CTNNA2: variants seen among roughly 807,000 people sequenced by gnomAD.
CTNNA2 encodes catenin alpha-2.
CTNNA2 carries 42 observed loss-of-function variants against 101.0 expected under a neutral mutation model. That is an observed-to-expected ratio of 0.42 (90% CI 0.32 to 0.54). The LOEUF is 0.54. Ranked by LOEUF, CTNNA2 falls within the 20% of genes least tolerant of loss-of-function variation. CTNNA2 has a pLI of 0.14. For missense variants in CTNNA2, 871 were observed against 1,223.1 expected (o/e 0.71, Z 4.29); for synonymous variants, 450 against 456.4 (o/e 0.99, Z 0.18).
At chr2:80,187,310 A>G (rs1421209400) in intron 7 of CTNNA2, among the ~76,000 whole-genome samples, 2 of 152,188 alleles carry the variant, frequency 1.3e-5, no homozygotes, top group Non-Finnish European at 2.9e-5. Context: ...AAATGGTGCT[A>G]ATTTATAACG....
chr2:80,378,967 C>T (rs1676253204), intron 7 of CTNNA2, among the ~76,000 whole-genome samples: 1 of 151,948 alleles, frequency 6.6e-6, no homozygotes, highest in Admixed American at 6.6e-5. Context: ...GTAGAGGATG[C>T]TTCAGGATGG....
chr2:79,487,847 T>C lies in CTNNA2; in HGVS notation c.-134-17207T>C, dbSNP rs112468052. Among the ~76,000 whole-genome samples the C allele has an allele frequency of 4.7e-3, 718 of 152,296 alleles. 11 individuals are homozygous for C. The highest frequency in any genetic ancestry group is 0.016 in the African/African-American group (677 of 41,554). ...CATGTTTTGGGATTCATTTATTACA[T>C]ATCAATAGATAACTAAAAGAGTAAG... On this transcript the variant is annotated intron_variant, in intron 4 of 21. Coordinates refer to the CTNNA2 transcript ENST00000466387.
chr2:79,874,986 A>C (rs990090719), intron 6 of CTNNA2, among the ~76,000 whole-genome samples: 6 of 152,178 alleles, frequency 3.9e-5, no homozygotes, highest in Admixed American at 3.9e-4. Context: ...CTGCGTGAAA[A>C]GCTGCCATCA....
intron 3 of CTNNA2, among the ~76,000 whole-genome samples, chr2:79,795,436 G>A (rs1433867868): frequency 6.6e-6 from 1 of 151,816 alleles, no homozygotes; most frequent in Non-Finnish European, 1.5e-5. Context: ...GTGTTTAAAA[G>A]TTATTTTTTA....
chr2:80,604,856 CAG>C (rs1358374985), intron 16 of CTNNA2, among the ~76,000 whole-genome samples: 5 of 151,880 alleles, frequency 3.3e-5, no homozygotes, highest in Non-Finnish European at 7.4e-5. Context: ...GTAGGACAGT[CAG>C]GGGCATTTGG....
intron 17 of CTNNA2, among the ~76,000 whole-genome samples, chr2:80,612,618 T>C (rs1427144556): frequency 6.6e-6 from 1 of 151,556 alleles, no homozygotes; most frequent in African/African-American, 2.4e-5. Context: ...GAGAATTACA[T>C]TGTATTTGAA....
chr2:79,960,979 G>C (rs573150169), intron 7 of CTNNA2, among the ~76,000 whole-genome samples: 1 of 152,108 alleles, frequency 6.6e-6, no homozygotes, highest in Non-Finnish European at 1.5e-5. Context: ...TCACAAAGAG[G>C]CTCTTTAGAC....
intron 7 of CTNNA2, among the ~76,000 whole-genome samples, chr2:80,127,309 A>G (rs1180823272): frequency 6.6e-6 from 1 of 152,136 alleles, no homozygotes; most frequent in Non-Finnish European, 1.5e-5. Context: ...GTTATTCCCT[A>G]TACACCTTAG....
chr2:79,810,886 C>T lies in CTNNA2; in HGVS notation c.299-47127C>T, dbSNP rs1281521651. Among the ~76,000 whole-genome samples, 5 of 151,820 alleles carry T rather than the reference C, an allele frequency of 3.3e-5. No individual in the cohort carries two copies. The East Asian group carries it at 9.7e-4, about 29-fold the overall frequency. On this transcript the variant is annotated intron_variant, in intron 3 of 18. Transcript: ENST00000402739. ...CATTTTTTATGGCTGCATAGTATTC[C>T]ATGGTGTATATATGCCACATTTTCT...
intron 7 of CTNNA2, among the ~76,000 whole-genome samples, chr2:80,191,358 C>T (rs7601708): frequency 0.4 from 60,830 of 152,052 alleles, 13,609 homozygotes; most frequent in Non-Finnish European, 0.52. Flanking sequence ...TCTTTATTTA[C>T]TATCTCTCTT....
chr2:79,832,504 C>G (rs1679002137), intron 3 of CTNNA2, among the ~76,000 whole-genome samples: 1 of 152,140 alleles, frequency 6.6e-6, no homozygotes, highest in African/African-American at 2.4e-5. Flanking sequence ...ATTGATATGG[C>G]CTGTTTTTTG....
intron 4 of CTNNA2, among the ~76,000 whole-genome samples, chr2:79,426,122 A>C (rs1342808479): frequency 6.6e-6 from 1 of 152,178 alleles, no homozygotes; most frequent in Non-Finnish European, 1.5e-5. Flanking sequence ...CCATTCCCTG[A>C]AACATTTTGT....
Position 80,302,828 on chromosome 2 carries a change from T to C in CTNNA2, c.1057-90383T>C, listed in dbSNP as rs1558984314. ...GTTGCCATCGTAGCGCCCCTGGAAGTTGTTGAGCCACGAGGCTAGGGCACA... is the reference window on the plus strand; with the variant it reads ...GTTGCCATCGTAGCGCCCCTGGAAGCTGTTGAGCCACGAGGCTAGGGCACA... On this transcript the variant is annotated intron_variant, in intron 7 of 18. Coordinates refer to ENST00000402739, the MANE Select transcript of CTNNA2 (RefSeq NM_001282597.3). The surrounding 1 kb of genome is among the most constrained non-coding windows in gnomAD (Gnocchi z 6.4). 5.0e-6 allele frequency: 8 copies of C among 1,614,002 alleles called. No homozygotes were observed. Among genetic ancestry groups the C allele is most frequent in the Non-Finnish European group, 6.8e-6 (8 of 1,180,022 alleles).
intron 7 of CTNNA2, chr2:80,162,393 A>C: frequency 6.9e-7 from 1 of 1,446,438 alleles, no homozygotes; most frequent in Non-Finnish European, 9.2e-7. Context: ...TTCCATATCA[A>C]CTTAGTCAAA....
intron 18 of CTNNA2, among the ~76,000 whole-genome samples, chr2:80,628,663 CT>C (rs377333436): frequency 2.6e-5 from 4 of 151,620 alleles, no homozygotes; most frequent in Admixed American, 2.0e-4. Flanking sequence ...GTTTAAAAGG[CT>C]TTTTTTTCTA....
chr2:79,419,476 T>TC (rs1678517004), intron 4 of CTNNA2, among the ~76,000 whole-genome samples: 1 of 152,138 alleles, frequency 6.6e-6, no homozygotes, highest in Admixed American at 6.5e-5. Context: ...GAGTGGATGC[T>TC]GTTTATAGGA....
At chr2:79,261,476 T>C (rs992341899) in intron 2 of CTNNA2, among the ~76,000 whole-genome samples, 1 of 152,236 alleles carries the variant, frequency 6.6e-6, no homozygotes, top group Non-Finnish European at 1.5e-5. Flanking sequence ...ACAGACTGTG[T>C]GGCTTAAATA....
intron 7 of CTNNA2, among the ~76,000 whole-genome samples, chr2:80,097,237 G>A (rs199743596): frequency 3.3e-5 from 5 of 152,064 alleles, no homozygotes; most frequent in African/African-American, 9.7e-5. Flanking sequence ...GCTTGTCTGT[G>A]AAGTATTTTA....
At chr2:80,231,003 G>A (rs536074467) in intron 7 of CTNNA2, among the ~76,000 whole-genome samples, 4 of 149,008 alleles carry the variant, frequency 2.7e-5, no homozygotes, top group South Asian at 2.1e-4. Flanking sequence ...CCAGAATCTC[G>A]CTCTGTCGTC....
Sources: allele counts gnomAD v4.1 joint callset (sites outside exome capture counted in the v4.1 genomes callset), GRCh38; gene constraint gnomAD v4.1.1; non-coding constraint Gnocchi (gnomAD v3.1); transcripts MANE v1.5; gene names NCBI Gene and HGNC (gene_info 2026-07-23, HGNC 2026-07-21).